The following FBXL20 variants were observed in gnomAD, a reference collection of about 807,000 sequenced individuals.
The protein encoded by FBXL20 is F-box/LRR-repeat protein 20.
In FBXL20, 11 loss-of-function variants were observed where a neutral mutation model predicts 64.0. The ratio of observed to expected loss-of-function variants is 0.17; its 90% confidence interval spans 0.11 to 0.28. The LOEUF (loss-of-function observed/expected upper bound fraction) is 0.28. Among genes scored for constraint, FBXL20 ranks in the 10% least tolerant of loss-of-function variants. The pLI, the probability that FBXL20 is intolerant of heterozygous loss-of-function variation, is 1.00. For missense variants in FBXL20, 303 were observed against 526.2 expected, an observed-to-expected ratio of 0.58 and a Z score of 4.15; for synonymous variants, 184 against 189.0, an observed-to-expected ratio of 0.97 and a Z score of 0.22.
intron 2 of FBXL20, among the ~76,000 whole-genome samples, chr17:39,326,432 C>A (rs2047409379): frequency 6.6e-6 from 1 of 151,814 alleles, no homozygotes; most frequent in South Asian, 2.1e-4. Context: ...CCAGCCTGGG[C>A]AACATGGTGA....
At chr17:39,267,959 CAT>C (rs1357554015) in intron 12 of FBXL20, among the ~76,000 whole-genome samples, 1 of 152,184 alleles carries the variant, frequency 6.6e-6, no homozygotes, top group African/African-American at 2.4e-5. Flanking sequence ...CAGTTACTGA[CAT>C]ATCTCGCCTT....
chr17:39,351,668 T>G (rs773162948), intron 1 of FBXL20, among the ~76,000 whole-genome samples: 1 of 152,168 alleles, frequency 6.6e-6, no homozygotes, highest in Admixed American at 6.6e-5. Context: ...AATTCTCTGG[T>G]TTTATATTAA....
intron 1 of FBXL20, among the ~76,000 whole-genome samples, chr17:39,370,618 C>G (rs1213012684): frequency 6.8e-6 from 1 of 147,222 alleles, no homozygotes; most frequent in African/African-American, 2.6e-5. Context: ...AACCCCGTCT[C>G]TACTAAAAAA....
At chr17:39,345,811 G>C (rs947722676) in intron 1 of FBXL20, among the ~76,000 whole-genome samples, 6 of 152,270 alleles carry the variant, frequency 3.9e-5, no homozygotes, top group Admixed American at 3.3e-4. Context: ...AAAGTGCTAA[G>C]ATTACAGGTG....
At chr17:39,286,723 A>T (rs1465693888) in intron 6 of FBXL20, among the ~76,000 whole-genome samples, 1 of 151,636 alleles carries the variant, frequency 6.6e-6, no homozygotes, top group African/African-American at 2.4e-5. Context: ...GCTTGAGCCC[A>T]GGAGGCGGAG....
In FBXL20 at chr17:39,299,023, C is replaced by T; in HGVS notation, c.296G>A (p.Arg99His). 2 of 1,613,596 alleles carry T rather than the reference C, an allele frequency of 1.2e-6. No individual in the cohort carries two copies. The highest frequency in any genetic ancestry group is 1.7e-6 in the Non-Finnish European group (2 of 1,179,810). The change falls in exon 5 of 15, where the codon CGT (arginine) becomes CAT (histidine). Residue 99 changes from arginine (R) to histidine (H), a missense_variant. Arg to His is a conservative substitution (Grantham distance 29). Coordinates refer to ENST00000264658, the MANE Select transcript of FBXL20 (RefSeq NM_032875.3). ...CGGFLRKLSLRGCLGVGDNAL... is the reference protein window; with the variant it reads ...CGGFLRKLSLHGCLGVGDNAL... ...ATTGTCTCCCACTCCAAGACATCCA[C>T]GAAGACTTAACTTTCGTAAAAAGCC... is the stretch of plus-strand genomic sequence containing the variant.
intron 1 of FBXL20, among the ~76,000 whole-genome samples, chr17:39,346,737 C>G (rs1324629270): frequency 1.3e-5 from 2 of 151,910 alleles, no homozygotes; most frequent in Non-Finnish European, 2.9e-5. Context: ...TACATGTGCA[C>G]AACATGCAGG....
At chr17:39,356,379 A>G (rs765511953) in intron 1 of FBXL20, among the ~76,000 whole-genome samples, 4 of 152,034 alleles carry the variant, frequency 2.6e-5, no homozygotes, top group Non-Finnish European at 2.9e-5. Context: ...GTTTTGAGAC[A>G]GGGTTTCACT....
At chr17:39,401,767 G>C (rs1364510211), upstream of FBXL20, 4 of 1,036,462 alleles carry the variant, frequency 3.9e-6, no homozygotes, top group Non-Finnish European at 4.7e-6. Flanking sequence ...GGCGGCGCGA[G>C]ACCACCCCTC....
chr17:39,363,736 G>A (rs1400522468), intron 1 of FBXL20, among the ~76,000 whole-genome samples: 3 of 143,708 alleles, frequency 2.1e-5, no homozygotes, highest in Non-Finnish European at 3.0e-5. Flanking sequence ...GCTTAAGCCC[G>A]GAAGTTGAAG....
chr17:39,281,441 T>C lies in FBXL20; in HGVS notation c.644A>G (p.Tyr215Cys). 6.2e-7 allele frequency: 1 copy of C among 1,613,698 alleles called. No individual in the cohort carries two copies. Among genetic ancestry groups the C allele is most frequent in the South Asian group, 1.1e-5 (1 of 90,954 alleles). Residue 215 changes from tyrosine (Y) to cysteine (C), a missense_variant, in exon 9 of 15, where the codon TAC becomes TGC. By Grantham distance (194) the Tyr-to-Cys change is radical. Transcript: ENST00000264658. ...CTQLEDEALK[Y>C]IGAHCPELVT... ...CAGTTCAGGGCAGTGTGCACCTATG[T>C]ACTTGAGAGCTTCATCTTCTAGCTA...
intron 11 of FBXL20, 64 bp from the exon 12 acceptor site, chr17:39,268,935 A>C: frequency 7.0e-7 from 1 of 1,431,284 alleles, no homozygotes; most frequent in Admixed American, 1.8e-5. Flanking sequence ...AGAAACTTTT[A>C]AGGACAGAAA....
chr17:39,391,307 G>C (rs915217929), intron 1 of FBXL20, among the ~76,000 whole-genome samples: 6 of 150,024 alleles, frequency 4.0e-5, no homozygotes, highest in African/African-American at 1.5e-4. Flanking sequence ...GGAATCGAAA[G>C]CAGTATATAG....
In FBXL20 at chr17:39,350,461, C is replaced by T. The variant is rs977215827; in HGVS notation, c.43-7220G>A. 1.1e-4 allele frequency among the ~76,000 whole-genome samples: 17 copies of T among 151,244 alleles called. No homozygotes were observed. The Admixed American group carries it at 1.1e-3, about 10-fold the overall frequency. On this transcript the variant is annotated intron_variant, in intron 1 of 14. Coordinates refer to ENST00000264658, the MANE Select transcript of FBXL20 (RefSeq NM_032875.3). ...CTGAGATTGTGCCATGGCACTCCAG[C>T]CTGGGCAACAGAGCTAGACTCCTTC...
At chr17:39,346,267 G>C (rs947944190) in intron 1 of FBXL20, among the ~76,000 whole-genome samples, 1 of 152,016 alleles carries the variant, frequency 6.6e-6, no homozygotes, top group Non-Finnish European at 1.5e-5. Context: ...CTTGTGCCCA[G>C]GAAGTCAAGG....
intron 2 of FBXL20, among the ~76,000 whole-genome samples, chr17:39,327,243 A>T (rs1408069890): frequency 6.6e-6 from 1 of 152,138 alleles, no homozygotes; most frequent in Admixed American, 6.6e-5. Context: ...ACCCAGCCTC[A>T]AAGTTAACTT....
intron 6 of FBXL20, among the ~76,000 whole-genome samples, chr17:39,290,882 C>T (rs2047031534): frequency 6.6e-6 from 1 of 151,954 alleles, no homozygotes; most frequent in Non-Finnish European, 1.5e-5. Flanking sequence ...TCTTTCTTGA[C>T]TAATCTAGAC....
chr17:39,313,203 C>A (rs985370870), intron 2 of FBXL20, among the ~76,000 whole-genome samples: 16 of 151,790 alleles, frequency 1.1e-4, no homozygotes, highest in Non-Finnish European at 2.1e-4. Flanking sequence ...AGGTGTGAGC[C>A]ACAGTGCCCG....
intron 2 of FBXL20, among the ~76,000 whole-genome samples, chr17:39,324,928 G>C (rs1414119869): frequency 6.6e-6 from 1 of 152,232 alleles, no homozygotes; most frequent in Non-Finnish European, 1.5e-5. Flanking sequence ...TTTAGGCCAA[G>C]TGCAGTGGCT....
Sources: allele counts gnomAD v4.1 joint callset (sites outside exome capture counted in the v4.1 genomes callset), GRCh38; gene constraint gnomAD v4.1.1; transcripts MANE v1.5; gene names NCBI Gene and HGNC (gene_info 2026-07-23, HGNC 2026-07-21).